TNFSF10: variants seen among roughly 807,000 people sequenced by gnomAD.
The protein encoded by TNFSF10 is tumor necrosis factor ligand superfamily member 10.
Under a neutral mutation model 29.5 loss-of-function variants are expected in TNFSF10, and 13 were observed. That is an observed-to-expected ratio of 0.44 (90% CI 0.29 to 0.70). The LOEUF (loss-of-function observed/expected upper bound fraction) is 0.70. TNFSF10 is among the 30% of genes least tolerant of loss of function. TNFSF10 has a pLI of 0.13. For synonymous variants in TNFSF10, 111 were observed against 112.8 expected, an observed-to-expected ratio of 0.98 and a Z score of 0.10; for missense variants, 345 against 330.9, an observed-to-expected ratio of 1.04 and a Z score of -0.33.
intron 2 of TNFSF10, among the ~76,000 whole-genome samples, chr3:172,511,974 C>G (rs1418287034): frequency 3.9e-5 from 6 of 152,174 alleles, no homozygotes; most frequent in Admixed American, 6.5e-5. Flanking sequence ...GTGATGTCAG[C>G]CAAATGTGGC....
At position 172,506,534 on chromosome 3, in the gene TNFSF10, C is replaced by T. The variant is rs1458061272; in HGVS notation, c.804G>A (p.Met268Ile). 1 of 1,613,384 alleles carries T rather than the reference C, an allele frequency of 6.2e-7. No homozygotes were observed. Among genetic ancestry groups the T allele is most frequent in the Admixed American group, 1.7e-5 (1 of 59,856 alleles). Residue 268 changes from methionine (M) to isoleucine (I), a missense_variant, in exon 5 of 5, where the codon ATG becomes ATA. Met to Ile is a conservative substitution (Grantham distance 10). Transcript: ENST00000241261. ...CCCCAAAAAAACTGGCTTCATGGTCCATGTCTATCAAGTGCTCATTTGTTA... is the reference window on the plus strand; with the variant it reads ...CCCCAAAAAAACTGGCTTCATGGTCTATGTCTATCAAGTGCTCATTTGTTA... The part of the protein sequence containing the change: ...VSVTNEHLID[M>I]DHEASFFGAF...
intron 2 of TNFSF10, among the ~76,000 whole-genome samples, chr3:172,513,264 GTC>G (rs1713298047): frequency 2.6e-5 from 4 of 152,160 alleles, no homozygotes; most frequent in Admixed American, 2.0e-4. Context: ...CTAGTTCTCA[GTC>G]TCTCTGCCCT....
chr3:172,509,695 C>G (rs1189936801), intron 3 of TNFSF10, among the ~76,000 whole-genome samples: 1 of 152,142 alleles, frequency 6.6e-6, no homozygotes, highest in East Asian at 1.9e-4. Flanking sequence ...GTGCAAATAA[C>G]TACGTATTGG....
At chr3:172,523,166 A>G in intron 1 of TNFSF10, 87 bp downstream of exon 1, 2 of 1,456,000 alleles carry the variant, frequency 1.4e-6, no homozygotes, top group Middle Eastern at 4.4e-4. Context: ...GAAAGTCTTC[A>G]GAGAGGGGCA....
chr3:172,511,433 T>C, intron 3 of TNFSF10, 184 bp downstream of exon 3: 1 of 490,410 alleles, frequency 2.0e-6, no homozygotes, highest in South Asian at 3.1e-5. Flanking sequence ...ACAGATTTGG[T>C]TCTGAGCTTC....
At chr3:172,511,883 T>A (rs537326537) in intron 2 of TNFSF10, among the ~76,000 whole-genome samples, 1 of 152,346 alleles carries the variant, frequency 6.6e-6, no homozygotes, top group East Asian at 1.9e-4. Flanking sequence ...GATGGTCCCC[T>A]GCCTGGGAAG....
Position 172,506,843 on chromosome 3 carries a change from G to A in TNFSF10, c.495C>T (p.Ser165=). The A allele has an allele frequency of 4.3e-6, 7 of 1,614,146 alleles. No homozygotes were observed. Among genetic ancestry groups the A allele is most frequent in the Non-Finnish European group, 5.9e-6 (7 of 1,180,026 alleles). Residue 165 remains serine (S), a synonymous_variant, in exon 5 of 5, where the codon AGC becomes AGT. Transcript: ENST00000241261. ...ESSRSGHSFL[S]NLHLRNGELV... is the part of the protein sequence containing the mutation. ...GTTCACCATTCCTCAAGTGCAAGTT[G>A]CTCAGGAATGAATGCCCACTCCTTG... is the stretch of plus-strand genomic sequence containing the variant.
At chr3:172,511,448 C>G in intron 3 of TNFSF10, 169 bp downstream of exon 3, 2 of 513,088 alleles carry the variant, frequency 3.9e-6, no homozygotes, top group Non-Finnish European at 6.8e-6. Flanking sequence ...AGCTTCCTAG[C>G]TGCCAATGTA....
At chr3:172,516,411 A>G (rs1327525383) in intron 1 of TNFSF10, among the ~76,000 whole-genome samples, 1 of 152,228 alleles carries the variant, frequency 6.6e-6, no homozygotes, top group East Asian at 1.9e-4. Flanking sequence ...ATAGAAAGAC[A>G]ATATCATTTT....
chr3:172,509,096 A>C (rs1713115510), intron 4 of TNFSF10, 121 bp downstream of exon 4: 5 of 747,540 alleles, frequency 6.7e-6, no homozygotes, highest in Non-Finnish European at 1.1e-5. Flanking sequence ...GATCTGATTA[A>C]TACTGAGCAT....
chr3:172,520,446 G>A (rs1713636158), intron 1 of TNFSF10, among the ~76,000 whole-genome samples: 1 of 152,166 alleles, frequency 6.6e-6, no homozygotes, highest in Non-Finnish European at 1.5e-5. Context: ...GTCAACACAG[G>A]AATGCCACAT....
chr3:172,523,057 G>A (rs1391368150), intron 1 of TNFSF10, among the ~76,000 whole-genome samples, 196 bp downstream of exon 1: 2 of 152,156 alleles, frequency 1.3e-5, no homozygotes, highest in Non-Finnish European at 2.9e-5. Flanking sequence ...TTGTGTAACT[G>A]CACTTAGTTT....
chr3:172,520,878 G>A (rs1435499467), intron 1 of TNFSF10, among the ~76,000 whole-genome samples: 3 of 152,168 alleles, frequency 2.0e-5, no homozygotes, highest in African/African-American at 4.8e-5. Flanking sequence ...GAACAGAACA[G>A]AGGCCTCAGA....
rs1471740683 is a variant in TNFSF10, at chr3:172,514,885, C to T, written c.246G>A (p.Trp82Ter). The change falls in exon 2 of 5, where the codon TGG becomes TGA. Residue 82 changes from tryptophan (W) to a stop codon, truncating the protein, a stop_gained. Transcript: ENST00000241261. LOFTEE classifies it high-confidence loss of function. ...CCTTTCTAACGAGCTGACGGAGTTG[C>T]CACTTGACTTGCCAGCAGGGGCTGT... Reference protein sequence around the residue: ...SMNSPCWQVKWQLRQLVRKMI... With the variant: ...SMNSPCWQVK 1 of 1,614,028 alleles carries T rather than the reference C, an allele frequency of 6.2e-7. No homozygotes were observed. Among genetic ancestry groups the T allele is most frequent in the East Asian group, 2.2e-5 (1 of 44,904 alleles).
chr3:172,509,136 T>C, intron 4 of TNFSF10, 81 bp downstream of exon 4: 1 of 1,190,536 alleles, frequency 8.4e-7, no homozygotes, highest in Admixed American at 2.2e-5. Flanking sequence ...ACATTTCAGA[T>C]AAAATTCTTT....
At position 172,523,361 on chromosome 3, in the gene TNFSF10, C is replaced by T. The variant is rs757308544; in HGVS notation, c.24G>A (p.Gly8=). 2.5e-6 allele frequency: 4 copies of T among 1,613,974 alleles called. No individual in the cohort carries two copies. The highest frequency in any genetic ancestry group is 3.3e-5 in the Admixed American group (2 of 60,020). The change falls in exon 1 of 5, where the codon GGG becomes GGA. Residue 8 remains glycine, a synonymous_variant. Transcript: ENST00000241261. MAMMEVQ[G]GPSLGQTCVL... Reference sequence around the variant, plus strand: ...CGCAGGTCTGTCCCAGGCTGGGTCCCCCCTGGACCTCCATCATAGCCATGA... The same window carrying T: ...CGCAGGTCTGTCCCAGGCTGGGTCCTCCCTGGACCTCCATCATAGCCATGA...
chr3:172,509,262 G>C lies in TNFSF10; in HGVS notation c.373C>G (p.His125Asp). 1 of 1,613,874 alleles carries C rather than the reference G, an allele frequency of 6.2e-7. No individual in the cohort carries two copies. Among genetic ancestry groups the C allele is most frequent in the Non-Finnish European group, 8.5e-7 (1 of 1,179,896 alleles). ...RERGPQRVAA[H>D]ITGTRGRSNT... ...CTTCTTCCTCTGGTCCCAGTTATGTGAGCTGCTACTCTCTGAGGACCTCTT... is the reference window on the plus strand; with the variant it reads ...CTTCTTCCTCTGGTCCCAGTTATGTCAGCTGCTACTCTCTGAGGACCTCTT... Residue 125 changes from histidine (H) to aspartate (D), a missense_variant, in exon 4 of 5, where the codon CAC becomes GAC. Physicochemically the swap from His to Asp is moderately conservative, Grantham distance 81 (BLOSUM62 -1). Transcript: ENST00000241261.
chr3:172,516,704 C>T (rs1713451291), intron 1 of TNFSF10, among the ~76,000 whole-genome samples: 1 of 152,128 alleles, frequency 6.6e-6, no homozygotes, highest in African/African-American at 2.4e-5. Flanking sequence ...TATGACTGGC[C>T]ATGGACTTAG....
chr3:172,518,329 T>C, intron 1 of TNFSF10: 1 of 1,243,372 alleles, frequency 8.0e-7, no homozygotes, highest in Non-Finnish European at 1.0e-6. Flanking sequence ...AACACGGTGG[T>C]TGTCTAGGCC....
Sources: gnomAD v4.1 joint callset for allele counts (sites outside exome capture counted in the v4.1 genomes callset) on GRCh38, gnomAD v4.1.1 for gene constraint, MANE v1.5 for transcripts, NCBI Gene and HGNC (gene_info 2026-07-23, HGNC 2026-07-21) for gene names.